LIMK1: variants seen among roughly 807,000 people sequenced by gnomAD.
LIMK1 encodes the protein LIM motif-containing protein kinase.
Under a neutral mutation model 77.6 loss-of-function variants are expected in LIMK1, and 21 were observed. The ratio of observed to expected loss-of-function variants is 0.27; its 90% CI spans 0.19 to 0.39. LIMK1 has a LOEUF of 0.39. Ranked by LOEUF, LIMK1 falls within the 10% of genes least tolerant of loss-of-function variation. The pLI, the probability that LIMK1 is intolerant of heterozygous loss-of-function variation, is 1.00. For synonymous variants in LIMK1, 358 were observed against 370.0 expected (o/e 0.97, Z 0.37); for missense variants, 696 against 901.6 (o/e 0.77, Z 2.92).
chr7:74,110,443 C>T (rs1386045979), intron 10 of LIMK1: 1 of 152,272 alleles, frequency 6.6e-6, no homozygotes, highest in African/African-American at 2.4e-5. Flanking sequence ...TGCCACTGCG[C>T]AGGTGACCTT....
chr7:74,086,584 A>G (rs782345905), intron 2 of LIMK1, among the ~76,000 whole-genome samples: 15 of 151,990 alleles, frequency 9.9e-5, no homozygotes, highest in Non-Finnish European at 2.1e-4. Flanking sequence ...CTGGTCTTGA[A>G]CTTGTGACCT....
intron 3 of LIMK1, among the ~76,000 whole-genome samples, 154 bp downstream of exon 3, chr7:74,096,914 A>G (rs1444488506): frequency 6.6e-6 from 1 of 152,042 alleles, no homozygotes; most frequent in Non-Finnish European, 1.5e-5. Flanking sequence ...TGTATCCCTC[A>G]GCGCCCCCAT....
intron 10 of LIMK1, 80 bp downstream of exon 10, chr7:74,109,116 T>C: frequency 8.7e-7 from 1 of 1,146,054 alleles, no homozygotes; most frequent in East Asian, 2.6e-5. Context: ...CAGTCTCATC[T>C]CTTCAATGGG....
At chr7:74,086,980 G>A (rs1799147882) in intron 2 of LIMK1, among the ~76,000 whole-genome samples, 1 of 152,180 alleles carries the variant, frequency 6.6e-6, no homozygotes, top group African/African-American at 2.4e-5. Flanking sequence ...GGAGGATAAA[G>A]AGTACATGAG....
At chr7:74,107,269 A>G in intron 8 of LIMK1, 76 bp downstream of exon 8, 1 of 1,453,278 alleles carries the variant, frequency 6.9e-7, no homozygotes, top group Non-Finnish European at 9.2e-7. Context: ...AGTCTATGGA[A>G]ACACAGTGGA....
intron 7 of LIMK1, 89 bp from the exon 8 acceptor site, chr7:74,106,921 G>T: frequency 7.8e-7 from 1 of 1,276,728 alleles, no homozygotes. Flanking sequence ...GCATGGACAG[G>T]GGCATGCAGG....
rs199765240 is a variant in LIMK1 at position 74,106,263 on chromosome 7, G to T, written c.881+20G>T. 3.2e-6 allele frequency: 5 copies of T among 1,586,846 alleles called. No individual in the cohort carries two copies. In the Admixed American group the frequency reaches 5.4e-5, roughly 17 times the overall value. On this transcript the variant is annotated intron_variant, in intron 7 of 15. Coordinates refer to ENST00000336180, the MANE Select transcript of LIMK1 (RefSeq NM_002314.4). ...TGTCTTGTAAGTCAGCCTGCTCCTC[G>T]GTTCAGCTGGGTGCTTTCACTCCTG...
At chr7:74,118,084 CTG>C (rs1311273552) in intron 13 of LIMK1, among the ~76,000 whole-genome samples, 3 of 148,788 alleles carry the variant, frequency 2.0e-5, no homozygotes, top group African/African-American at 7.5e-5. Context: ...CAGAGGAAGA[CTG>C]TGTCTCAAAA....
chr7:74,088,808 A>AG (rs1192982885), intron 2 of LIMK1, among the ~76,000 whole-genome samples: 1 of 151,566 alleles, frequency 6.6e-6, no homozygotes, highest in East Asian at 1.9e-4. Context: ...TCTCAAAAAA[A>AG]AAAAAAAAAA....
At chr7:74,117,351 G>C (rs1938145611) in intron 13 of LIMK1, among the ~76,000 whole-genome samples, 1 of 151,848 alleles carries the variant, frequency 6.6e-6, no homozygotes, top group African/African-American at 2.4e-5. Flanking sequence ...GGTGACATTG[G>C]GCCCACCTGG....
In LIMK1 at chr7:74,108,936, A is replaced by G; in HGVS notation, c.1184A>G (p.Asn395Ser). 1 of 1,614,068 alleles carries G rather than the reference A, an allele frequency of 6.2e-7. No individual in the cohort carries two copies. ...VKVMRCLEHPNVLKFIGVLYK... is the reference protein window; with the variant it reads ...VKVMRCLEHPSVLKFIGVLYK... ...GTCATGCGATGCCTGGAACACCCCA[A>G]CGTGCTCAAGTTCATCGGGGTGCTC... Residue 395 changes from asparagine (N) to serine (S), a missense_variant, in exon 10 of 16, where the codon AAC becomes AGC. Physicochemically the swap from Asn to Ser is conservative, Grantham distance 46. Transcript: ENST00000336180.
Position 74,084,008 on chromosome 7 carries a change from T to G in LIMK1, c.18T>G (p.Leu6=). MRLTL[L]CCTWREERMG... ...TCGAGTGCATGAGGTTGACGCTACT[T>G]TGTTGCACCTGGAGGGAAGAACGTA... The change falls in exon 1 of 16, where the codon CTT becomes CTG. Residue 6 remains leucine (L), a synonymous_variant. Transcript: ENST00000336180. 1 of 1,476,452 alleles carries G rather than the reference T, an allele frequency of 6.8e-7. No individual in the cohort carries two copies. The allele number at this position is 1,476,452 out of a possible 1,614,324, so 91.5% of individuals were successfully genotyped here.
rs1439229029 is a variant in LIMK1, at chr7:74,105,971, C to T, written c.705C>T (p.Pro235=). Residue 235 remains proline, a synonymous_variant, in exon 6 of 16, where the codon CCC becomes CCT. Transcript: ENST00000336180. ...EINGTPIRNV[P]LDEIDLLIQE... ...ATGGCACGCCCATCCGAAATGTGCC[C>T]CTGGACGAGGTACGGTCCTGAGTCT... 3.7e-6 allele frequency: 6 copies of T among 1,614,032 alleles called. No individual in the cohort carries two copies. Among genetic ancestry groups the T allele is most frequent in the Non-Finnish European group, 4.2e-6 (5 of 1,179,936 alleles).
intron 5 of LIMK1, among the ~76,000 whole-genome samples, chr7:74,101,892 A>G (rs1333629926): frequency 6.6e-6 from 1 of 152,038 alleles, no homozygotes; most frequent in Non-Finnish European, 1.5e-5. Context: ...TGGCACAATC[A>G]TAGCTCACTA....
chr7:74,118,228 T>A (rs1254269926), intron 13 of LIMK1, among the ~76,000 whole-genome samples: 1 of 148,552 alleles, frequency 6.7e-6, no homozygotes, highest in Non-Finnish European at 1.5e-5. Context: ...TACAAAAAAA[T>A]TAGCTGGGCG....
rs552025711 is a variant in LIMK1, at chr7:74,112,869, C to T, written c.1410+871C>T. 2.6e-5 allele frequency among the ~76,000 whole-genome samples: 4 copies of T among 151,802 alleles called. No individual in the cohort carries two copies. In the South Asian group the frequency reaches 8.3e-4, roughly 32 times the overall value. On this transcript the variant is annotated intron_variant, in intron 12 of 15. Coordinates refer to ENST00000336180, the MANE Select transcript of LIMK1 (RefSeq NM_002314.4). ...TTTAGGTGGATATTTAAGCAGGGGA[C>T]GGGCAGGCAAAGAGCCCAGTGTCTA...
intron 5 of LIMK1, among the ~76,000 whole-genome samples, chr7:74,103,068 A>G (rs1430543204): frequency 6.6e-6 from 1 of 151,668 alleles, no homozygotes; most frequent in East Asian, 2.0e-4. Context: ...GGGTTTTACC[A>G]TGTTGCCCTG....
intron 1 of LIMK1, among the ~76,000 whole-genome samples, chr7:74,085,172 G>T: frequency 6.6e-6 from 1 of 152,290 alleles, no homozygotes; most frequent in East Asian, 1.9e-4. Flanking sequence ...GGCCTCCCTG[G>T]GACAGGTGTC....
chr7:74,094,495 G>A (rs1799300795), intron 2 of LIMK1, among the ~76,000 whole-genome samples: 1 of 151,844 alleles, frequency 6.6e-6, no homozygotes, highest in African/African-American at 2.4e-5. Flanking sequence ...GCTTCCTGCA[G>A]GCAGGAGTGA....
Sources: gnomAD v4.1 joint callset for allele counts (sites outside exome capture counted in the v4.1 genomes callset) on GRCh38, gnomAD v4.1.1 for gene constraint, MANE v1.5 for transcripts, NCBI Gene and HGNC (gene_info 2026-07-23, HGNC 2026-07-21) for gene names.